Variants in SLC35F1 observed in about 807,000 individuals in gnomAD.
The protein encoded by SLC35F1 is chromosome 6 open reading frame 169.
Under a neutral mutation model 48.7 loss-of-function variants are expected in SLC35F1, and 14 were observed. The ratio of observed to expected loss-of-function variants is 0.29; its 90% CI spans 0.19 to 0.45. The LOEUF is 0.45. SLC35F1 is among the 20% of genes least tolerant of loss of function. SLC35F1 has a pLI of 1.00. For missense variants in SLC35F1, 404 were observed against 500.0 expected, an observed-to-expected ratio of 0.81 and a Z score of 1.83; for synonymous variants, 190 against 202.2, an observed-to-expected ratio of 0.94 and a Z score of 0.51.
chr6:117,997,257 A>G, intron 1 of SLC35F1, among the ~76,000 whole-genome samples: 1 of 152,232 alleles, frequency 6.6e-6, no homozygotes, highest in Non-Finnish European at 1.5e-5. Context: ...AAAGCCTCCA[A>G]GAAATATGGG....
rs1776441140 is a variant in SLC35F1 at position 118,316,652 on chromosome 6, A to G, written c.*2400A>G. 1 of 152,610 alleles carries G rather than the reference A, an allele frequency of 6.6e-6. No homozygotes were observed. The highest frequency in any genetic ancestry group is 2.1e-4 in the South Asian group (1 of 4,838). 9.5% of individuals were successfully genotyped at this position (152,610 alleles called of 1,614,324 possible). A position where few individuals can be genotyped will look rare whatever the true frequency, so the allele number is the denominator to read the frequency against. ...CAGTAGACTGGAGTTTTTTAAAAATATAAATTTCCAAAAAGTTTGCAATCA... is the reference window on the plus strand; with the variant it reads ...CAGTAGACTGGAGTTTTTTAAAAATGTAAATTTCCAAAAAGTTTGCAATCA... On this transcript the variant is annotated 3_prime_UTR_variant, in exon 8 of 8. Coordinates refer to ENST00000360388, the MANE Select transcript of SLC35F1 (RefSeq NM_001029858.4).
At chr6:117,966,978 C>G (rs1334622182) in intron 1 of SLC35F1, among the ~76,000 whole-genome samples, 2 of 152,138 alleles carry the variant, frequency 1.3e-5, no homozygotes, top group African/African-American at 2.4e-5. Flanking sequence ...TCTTTAGAAA[C>G]TTTGATATTT....
chr6:118,173,402 AC>A (rs1300411252), intron 2 of SLC35F1, among the ~76,000 whole-genome samples: 2,639 of 144,656 alleles, frequency 0.018, 101 homozygotes, highest in African/African-American at 0.066. Context: ...AAAACAAAAA[AC>A]AAAAAAAAAA....
At chr6:118,039,247 A>T (rs1772176198) in intron 1 of SLC35F1, among the ~76,000 whole-genome samples, 1 of 152,096 alleles carries the variant, frequency 6.6e-6, no homozygotes, top group African/African-American at 2.4e-5. Context: ...TTTATATGTA[A>T]CATATCATTT....
At chr6:118,122,737 C>A (rs1198967237) in intron 1 of SLC35F1, among the ~76,000 whole-genome samples, 1 of 152,150 alleles carries the variant, frequency 6.6e-6, no homozygotes, top group Non-Finnish European at 1.5e-5. Context: ...AGGCAGGCAG[C>A]CGCAAAGAAA....
intron 2 of SLC35F1, among the ~76,000 whole-genome samples, chr6:118,171,943 C>T (rs1774410489): frequency 6.6e-6 from 1 of 152,084 alleles, no homozygotes; most frequent in Non-Finnish European, 1.5e-5. Flanking sequence ...AATGCCACTG[C>T]CAGAGCATTG....
chr6:118,034,305 C>T (rs1025470162), intron 1 of SLC35F1, among the ~76,000 whole-genome samples: 1 of 152,066 alleles, frequency 6.6e-6, no homozygotes, highest in African/African-American at 2.4e-5. Flanking sequence ...AACCTGTAAT[C>T]CCAGCACTTT....
intron 2 of SLC35F1, among the ~76,000 whole-genome samples, chr6:118,202,720 A>G (rs1470461857): frequency 1.3e-5 from 2 of 152,184 alleles, no homozygotes; most frequent in African/African-American, 4.8e-5. Flanking sequence ...CCACATAAAC[A>G]AATACAATAG....
intron 7 of SLC35F1, among the ~76,000 whole-genome samples, chr6:118,288,176 C>G (rs1487057001): frequency 5.9e-5 from 9 of 152,108 alleles, no homozygotes; most frequent in African/African-American, 2.2e-4. Flanking sequence ...CTTGTAGATT[C>G]ACGTGCACTT....
In SLC35F1 at chr6:118,272,739, A is replaced by G. The variant is rs202058821; in HGVS notation, c.638-2720A>G. Reference sequence around the variant, plus strand: ...GATTAAAAAATATATATGTGTGTGTATATATATATACATATATATATATAT... The same window carrying G: ...GATTAAAAAATATATATGTGTGTGTGTATATATATACATATATATATATAT... On this transcript the variant is annotated intron_variant, in intron 4 of 7. Coordinates refer to ENST00000360388, the MANE Select transcript of SLC35F1 (RefSeq NM_001029858.4). Among the ~76,000 whole-genome samples the G allele has an allele frequency of 2.4e-3, 208 of 85,332 alleles. 2 individuals carry two copies. Among genetic ancestry groups the G allele is most frequent in the Middle Eastern group, 0.017 (2 of 120 alleles). The allele number at this position is 85,332 out of a possible 152,430, so 56.0% of individuals were successfully genotyped here.
chr6:118,230,257 T>G (rs181088408), intron 2 of SLC35F1, among the ~76,000 whole-genome samples: 593 of 152,044 alleles, frequency 3.9e-3, no homozygotes, highest in Middle Eastern at 6.8e-3. Context: ...GGAGCATCGC[T>G]TGAACCCGGG....
intron 2 of SLC35F1, among the ~76,000 whole-genome samples, chr6:118,204,510 A>C (rs1774909738): frequency 6.6e-6 from 1 of 152,214 alleles, no homozygotes; most frequent in South Asian, 2.1e-4. Flanking sequence ...ACCACTAGTC[A>C]ATTCCTATGT....
chr6:118,237,784 G>A (rs192204461), intron 3 of SLC35F1, among the ~76,000 whole-genome samples: 11 of 152,224 alleles, frequency 7.2e-5, no homozygotes, highest in Non-Finnish European at 1.2e-4. Flanking sequence ...TAGATACGTC[G>A]TAGTTGCACC....
intron 2 of SLC35F1, among the ~76,000 whole-genome samples, chr6:118,207,609 T>C (rs563587400): frequency 3.0e-4 from 46 of 152,180 alleles, no homozygotes; most frequent in Non-Finnish European, 2.9e-5. Flanking sequence ...GGGAGAGAAG[T>C]GTGGAGTTCA....
chr6:118,003,193 A>G (rs921131689), intron 1 of SLC35F1, among the ~76,000 whole-genome samples: 16 of 152,238 alleles, frequency 1.1e-4, no homozygotes, highest in Non-Finnish European at 1.9e-4. Context: ...TGGGCTCTCA[A>G]GGCTCCAGCA....
chr6:118,095,953 C>A (rs1403781112), intron 1 of SLC35F1, among the ~76,000 whole-genome samples: 6 of 152,098 alleles, frequency 3.9e-5, no homozygotes, highest in African/African-American at 1.4e-4. Flanking sequence ...GAGTGCCAAG[C>A]CATAGACTTG....
intron 1 of SLC35F1, among the ~76,000 whole-genome samples, chr6:118,121,763 A>G (rs1039319837): frequency 6.6e-6 from 1 of 152,196 alleles, no homozygotes; most frequent in Non-Finnish European, 1.5e-5. Flanking sequence ...TCTTTTGCTC[A>G]GTTGAGAGGA....
rs183110751 is a variant in SLC35F1 at position 118,050,332 on chromosome 6, T to A, written c.174-104113T>A. Among the ~76,000 whole-genome samples, 32 of 151,580 alleles carry A rather than the reference T, an allele frequency of 2.1e-4. No individual in the cohort carries two copies. In the East Asian group the frequency reaches 6.0e-3, roughly 28 times the overall value. On this transcript the variant is annotated intron_variant, in intron 1 of 7. Transcript: ENST00000360388. ...TATACATATGTAACTAACCTGCACA[T>A]TGTGCGCATGTACCCTAAAACTTAA...
At chr6:118,281,846 T>C (rs1033550519) in intron 6 of SLC35F1, among the ~76,000 whole-genome samples, 3 of 152,230 alleles carry the variant, frequency 2.0e-5, no homozygotes, top group African/African-American at 7.2e-5. Flanking sequence ...TATAAGCCTA[T>C]TTCCTAACCT....
Sources: gnomAD v4.1 joint callset for allele counts (sites outside exome capture counted in the v4.1 genomes callset) on GRCh38, gnomAD v4.1.1 for gene constraint, MANE v1.5 for transcripts, NCBI Gene and HGNC (gene_info 2026-07-23, HGNC 2026-07-21) for gene names.